Variants in ZNF385D observed in about 807,000 individuals in gnomAD.
The protein encoded by ZNF385D is zinc finger protein 385D.
A neutral mutation model predicts 35.8 loss-of-function variants in ZNF385D; 15 were observed. That is an observed-to-expected ratio of 0.42 (90% CI 0.28 to 0.64). ZNF385D has a LOEUF of 0.64. ZNF385D is among the 30% of genes least tolerant of loss of function. The pLI is 0.23. For synonymous variants in ZNF385D, 212 were observed against 186.8 expected (o/e 1.13, Z -1.10); for missense variants, 474 against 494.6 (o/e 0.96, Z 0.39).
chr3:21,569,146 A>G (rs1259061502), intron 2 of ZNF385D, among the ~76,000 whole-genome samples: 4 of 151,904 alleles, frequency 2.6e-5, no homozygotes, highest in South Asian at 2.1e-4. Context: ...TGATCTGTCT[A>G]ATGTTGACAG....
At chr3:22,185,465 A>C (rs1695567187) in intron 2 of ZNF385D, among the ~76,000 whole-genome samples, 1 of 151,942 alleles carries the variant, frequency 6.6e-6, no homozygotes, top group Non-Finnish European at 1.5e-5. Context: ...CTACCCATTC[A>C]ATGTTCACTT....
At chr3:21,958,379 C>A (rs958991396) in intron 3 of ZNF385D, among the ~76,000 whole-genome samples, 1 of 152,042 alleles carries the variant, frequency 6.6e-6, no homozygotes, top group African/African-American at 2.4e-5. Context: ...AAGTTTCATA[C>A]CTCAAAATCC....
intron 3 of ZNF385D, among the ~76,000 whole-genome samples, chr3:21,783,266 T>C (rs543308914): frequency 6.6e-6 from 1 of 152,244 alleles, no homozygotes; most frequent in East Asian, 1.9e-4. Context: ...CAAGGGTTTA[T>C]GTGCAATGGG....
intron 2 of ZNF385D, among the ~76,000 whole-genome samples, chr3:21,619,072 G>A (rs1057370546): frequency 6.6e-6 from 1 of 152,052 alleles, no homozygotes; most frequent in Admixed American, 6.6e-5. Context: ...GCCATTTTCT[G>A]CACATGTCCT....
chr3:22,000,727 G>T (rs941508650), intron 3 of ZNF385D, among the ~76,000 whole-genome samples: 4 of 150,694 alleles, frequency 2.7e-5, no homozygotes, highest in Non-Finnish European at 5.9e-5. Flanking sequence ...TACAGGCCAG[G>T]AGAGAATGGG....
chr3:22,183,799 A>G (rs1214024458), intron 2 of ZNF385D, among the ~76,000 whole-genome samples: 1 of 152,010 alleles, frequency 6.6e-6, no homozygotes, highest in Non-Finnish European at 1.5e-5. Flanking sequence ...GAGGTCTTAG[A>G]ACTATTAGTT....
intron 3 of ZNF385D, among the ~76,000 whole-genome samples, chr3:21,953,331 A>C (rs1223927197): frequency 6.6e-6 from 1 of 151,650 alleles, no homozygotes; most frequent in East Asian, 1.9e-4. Context: ...GGATGACAGT[A>C]AAATATCTGG....
intron 1 of ZNF385D, among the ~76,000 whole-genome samples, chr3:21,749,901 G>A (rs1212304872): frequency 1.3e-5 from 2 of 152,178 alleles, no homozygotes; most frequent in African/African-American, 4.8e-5. Flanking sequence ...TAATCTGAAA[G>A]AAGACGCTAG....
chr3:22,190,507 C>G (rs1695944808), intron 2 of ZNF385D, among the ~76,000 whole-genome samples: 1 of 152,126 alleles, frequency 6.6e-6, no homozygotes, highest in Non-Finnish European at 1.5e-5. Flanking sequence ...GTCGTGGTCA[C>G]TGAATATAAT....
chr3:21,974,483 T>G (rs1703468506), intron 3 of ZNF385D, among the ~76,000 whole-genome samples: 1 of 151,826 alleles, frequency 6.6e-6, no homozygotes, highest in South Asian at 2.1e-4. Context: ...AGGAAAAAAT[T>G]GGAAAAACTC....
chr3:21,905,033 T>C (rs918681436), intron 3 of ZNF385D, among the ~76,000 whole-genome samples: 1 of 151,956 alleles, frequency 6.6e-6, no homozygotes, highest in African/African-American at 2.4e-5. Flanking sequence ...AAATCTATAA[T>C]AGATTAAAAT....
At chr3:22,057,420 T>C (rs1359459248) in intron 3 of ZNF385D, among the ~76,000 whole-genome samples, 1 of 152,246 alleles carries the variant, frequency 6.6e-6, no homozygotes, top group African/African-American at 2.4e-5. Flanking sequence ...ATTGGTATTA[T>C]GCTTTTACTA....
intron 4 of ZNF385D, among the ~76,000 whole-genome samples, chr3:21,476,584 T>C (rs1704265769): frequency 6.6e-6 from 1 of 152,022 alleles, no homozygotes. Flanking sequence ...ATGCGTGTGA[T>C]AGAATTATAC....
intron 3 of ZNF385D, among the ~76,000 whole-genome samples, chr3:22,129,689 A>G (rs1703658895): frequency 6.6e-6 from 1 of 151,576 alleles, no homozygotes; most frequent in South Asian, 2.1e-4. Context: ...TAAAGTGGTG[A>G]CTTCTTCCAG....
intron 3 of ZNF385D, among the ~76,000 whole-genome samples, chr3:21,783,832 G>A (rs1215012385): frequency 6.6e-6 from 1 of 152,120 alleles, no homozygotes; most frequent in Non-Finnish European, 1.5e-5. Flanking sequence ...TTTGAAAAAG[G>A]AAACATTAAA....
At position 22,202,675 on chromosome 3, in the gene ZNF385D, G is replaced by C. The variant is rs185389309; in HGVS notation, c.107-33640C>G. Among the ~76,000 whole-genome samples, 5 of 152,258 alleles carry C rather than the reference G, an allele frequency of 3.3e-5. No individual in the cohort carries two copies. In the East Asian group the frequency reaches 9.7e-4, roughly 29 times the overall value. On this transcript the variant is annotated intron_variant, in intron 2 of 5. Transcript: ENST00000494108. ...AGGATAGGAAAGGCAGTGTGGAATT[G>C]CCAGTACTTCCCCTCTCTCCTGTCC... is the stretch of plus-strand genomic sequence containing the variant.
intron 2 of ZNF385D, among the ~76,000 whole-genome samples, chr3:22,306,067 T>C (rs1326349472): frequency 1.3e-5 from 2 of 152,176 alleles, no homozygotes; most frequent in African/African-American, 4.8e-5. Context: ...GCTTGTTTCC[T>C]TGTGGAAGGG....
intron 3 of ZNF385D, among the ~76,000 whole-genome samples, chr3:22,040,626 T>C (rs372202059): frequency 2.6e-5 from 4 of 151,826 alleles, no homozygotes; most frequent in African/African-American, 7.3e-5. Context: ...GATGGTATGC[T>C]TTTTGGACAT....
chr3:22,331,147 T>C (rs1414132804), intron 2 of ZNF385D, among the ~76,000 whole-genome samples: 1 of 152,228 alleles, frequency 6.6e-6, no homozygotes, highest in Non-Finnish European at 1.5e-5. Context: ...GTTCATTAGG[T>C]ATTCCTATGA....
Sources: allele counts gnomAD v4.1 joint callset (sites outside exome capture counted in the v4.1 genomes callset), GRCh38; gene constraint gnomAD v4.1.1; transcripts MANE v1.5; gene names NCBI Gene and HGNC (gene_info 2026-07-23, HGNC 2026-07-21).